Variants in RNF2 observed in about 807,000 individuals in gnomAD.
RNF2 encodes E3 ubiquitin-protein ligase RING2.
In RNF2, 6 loss-of-function variants were observed where a neutral mutation model predicts 37.2. The observed-to-expected ratio is 0.16, with a 90% CI of 0.09 to 0.32. The LOEUF (loss-of-function observed/expected upper bound fraction) is 0.32. Ranked by LOEUF, RNF2 falls within the 10% of genes least tolerant of loss-of-function variation. RNF2 has a pLI of 1.00. For synonymous variants in RNF2, 133 were observed against 132.7 expected, an observed-to-expected ratio of 1.00 and a Z score of -0.02; for missense variants, 251 against 404.0, an observed-to-expected ratio of 0.62 and a Z score of 3.25.
intron 2 of RNF2, among the ~76,000 whole-genome samples, chr1:185,089,661 G>C (rs1295551512): frequency 6.6e-6 from 1 of 152,162 alleles, no homozygotes; most frequent in African/African-American, 2.4e-5. Context: ...GAGAAATTCA[G>C]CTATGCAGGG....
chr1:185,085,757 G>T (rs539641894), intron 1 of RNF2, among the ~76,000 whole-genome samples: 1 of 151,860 alleles, frequency 6.6e-6, no homozygotes. Context: ...GGGTTCAAGC[G>T]ATTCTCCTAC....
intron 5 of RNF2, 84 bp from the exon 6 acceptor site, chr1:185,099,707 G>T: frequency 8.9e-7 from 1 of 1,129,342 alleles, no homozygotes; most frequent in Non-Finnish European, 1.3e-6. Context: ...TAGTTTTTAA[G>T]AAATGTATTA....
At chr1:185,072,724 A>G (rs1170589676) in intron 1 of RNF2, among the ~76,000 whole-genome samples, 1 of 152,146 alleles carries the variant, frequency 6.6e-6, no homozygotes, top group Non-Finnish European at 1.5e-5. Flanking sequence ...GCGGATCATG[A>G]GGTCAGGAGA....
chr1:185,094,982 A>G (rs144110491), intron 4 of RNF2, among the ~76,000 whole-genome samples: 1 of 152,302 alleles, frequency 6.6e-6, no homozygotes, highest in African/African-American at 2.4e-5. Context: ...ATCAGCATCC[A>G]GGCATTTCTG....
At position 185,100,496 on chromosome 1, in the gene RNF2, C is replaced by T; in HGVS notation, c.*195C>T. 2.6e-6 allele frequency: 1 copy of T among 386,758 alleles called. No homozygotes were observed. The highest frequency in any genetic ancestry group is 4.7e-6 in the Non-Finnish European group (1 of 213,616). The allele number at this position is 386,758 out of a possible 1,614,324, so 24.0% of individuals were successfully genotyped here. On this transcript the variant is annotated 3_prime_UTR_variant, in exon 7 of 7. Transcript: ENST00000367510. ...CTTTTTGGAAGGGACTGCAATTATT[C>T]AGTATTTTTTTCTTTCCTTTAAAAA...
At chr1:185,091,458 C>A in intron 2 of RNF2, 121 bp from the exon 3 acceptor site, 1 of 858,860 alleles carries the variant, frequency 1.2e-6, no homozygotes, top group Non-Finnish European at 1.8e-6. Context: ...TTGACAATGG[C>A]AGTGGCTGGG....
Position 185,091,512 on chromosome 1 carries a change from T to C in RNF2, c.88-67T>C, listed in dbSNP as rs1436288031. On this transcript the variant is annotated intron_variant, in intron 2 of 6. Coordinates refer to ENST00000367510, the MANE Select transcript of RNF2 (RefSeq NM_007212.4). ...TTGTTTTTACCATTTCCAGTACTTT[T>C]ATATGTTTGAGCTTGTCCATAATAA... 1.8e-5 allele frequency: 27 copies of C among 1,483,998 alleles called. No homozygotes were observed. In the East Asian group the frequency reaches 5.0e-4, roughly 27 times the overall value. The allele number at this position is 1,483,998 out of a possible 1,614,324, so 91.9% of individuals were successfully genotyped here.
At position 185,098,312 on chromosome 1, in the gene RNF2, A is replaced by G; in HGVS notation, c.705A>G (p.Thr235=). The part of the protein sequence containing the change: ...EIELVFRPHP[T]LMEKDDSAQT... ...AATTAGTATTCAGGCCTCATCCCACACTTATGGAAAAAGATGACAGTGCAC... is the reference window on the plus strand; with the variant it reads ...AATTAGTATTCAGGCCTCATCCCACGCTTATGGAAAAAGATGACAGTGCAC... Residue 235 remains threonine, a synonymous_variant, in exon 5 of 7, where the codon ACA becomes ACG. Coordinates refer to ENST00000367510, the MANE Select transcript of RNF2 (RefSeq NM_007212.4). 6.2e-7 allele frequency: 1 copy of G among 1,614,194 alleles called. No homozygotes were observed. The highest frequency in any genetic ancestry group is 8.5e-7 in the Non-Finnish European group (1 of 1,180,024).
At chr1:185,069,533 CA>C (rs917738886) in intron 1 of RNF2, among the ~76,000 whole-genome samples, 1 of 151,574 alleles carries the variant, frequency 6.6e-6, no homozygotes, top group Non-Finnish European at 1.5e-5. Context: ...TATGAGTTCA[CA>C]GTGATCCAGC....
intron 1 of RNF2, among the ~76,000 whole-genome samples, chr1:185,050,305 CTA>C (rs748615671): frequency 2.6e-5 from 4 of 152,224 alleles, no homozygotes; most frequent in Non-Finnish European, 5.9e-5. Flanking sequence ...CAAATGAGTG[CTA>C]TGTTTTGGGA....
chr1:185,055,013 A>G (rs1650392709), intron 1 of RNF2, among the ~76,000 whole-genome samples: 1 of 152,168 alleles, frequency 6.6e-6, no homozygotes, highest in Non-Finnish European at 1.5e-5. Flanking sequence ...CTTTTCACCA[A>G]GGTTGCATGT....
chr1:185,096,560 G>A (rs375177268), intron 4 of RNF2, among the ~76,000 whole-genome samples: 2 of 151,400 alleles, frequency 1.3e-5, no homozygotes, highest in African/African-American at 4.9e-5. Flanking sequence ...GTACTTTTGG[G>A]GTTTTTTTTT....
chr1:185,097,911 A>G (rs929078841), intron 4 of RNF2, among the ~76,000 whole-genome samples, 161 bp from the exon 5 acceptor site: 1 of 152,246 alleles, frequency 6.6e-6, no homozygotes, highest in African/African-American at 2.4e-5. Context: ...GATTTTTTAG[A>G]CCTTTCAGGA....
At chr1:185,078,919 C>T (rs999955318) in intron 1 of RNF2, among the ~76,000 whole-genome samples, 2 of 152,118 alleles carry the variant, frequency 1.3e-5, no homozygotes, top group African/African-American at 2.4e-5. Context: ...TGGTGTGCAC[C>T]TGTAATCCCA....
At chr1:185,079,172 C>G (rs1571314040) in intron 1 of RNF2, among the ~76,000 whole-genome samples, 1 of 150,576 alleles carries the variant, frequency 6.6e-6, no homozygotes, top group Non-Finnish European at 1.5e-5. Flanking sequence ...TATACATTCT[C>G]TCCACAAATT....
At chr1:185,066,597 G>T (rs1650806407) in intron 1 of RNF2, among the ~76,000 whole-genome samples, 1 of 152,144 alleles carries the variant, frequency 6.6e-6, no homozygotes, top group African/African-American at 2.4e-5. Context: ...ATTGTTAGAG[G>T]TTCTCATTTT....
chr1:185,055,145 A>C (rs1218383181), intron 1 of RNF2, among the ~76,000 whole-genome samples: 1 of 152,354 alleles, frequency 6.6e-6, no homozygotes, highest in Non-Finnish European at 1.5e-5. Flanking sequence ...TGCTCTGCAG[A>C]TCGAGTATCC....
intron 1 of RNF2, among the ~76,000 whole-genome samples, chr1:185,085,385 C>T (rs2102191975): frequency 6.6e-6 from 1 of 152,100 alleles, no homozygotes; most frequent in South Asian, 2.1e-4. Flanking sequence ...ATCCGCCTGC[C>T]TCGGCCTCCC....
intron 1 of RNF2, among the ~76,000 whole-genome samples, chr1:185,075,059 A>G (rs1309895307): frequency 6.6e-6 from 1 of 151,948 alleles, no homozygotes; most frequent in African/African-American, 2.4e-5. Context: ...GAGTGGCGTG[A>G]TCTCAGCTCA....
Sources: gnomAD v4.1 joint callset for allele counts (sites outside exome capture counted in the v4.1 genomes callset) on GRCh38, gnomAD v4.1.1 for gene constraint, MANE v1.5 for transcripts, NCBI Gene and HGNC (gene_info 2026-07-23, HGNC 2026-07-21) for gene names.